AFG2A: variants seen among roughly 807,000 people sequenced by gnomAD.
AFG2A encodes the protein AAA ATPase AFG2A.
At chr4:123,280,991 AT>A in the AFG2A span, among the ~76,000 whole-genome samples, 3 of 151,868 alleles carry the variant, frequency 2.0e-5, no homozygotes, top group African/African-American at 4.8e-5. Context: ...AGATATTACC[AT>A]TTTTTTGTTT....
chr4:123,299,412 C>G, the AFG2A span, among the ~76,000 whole-genome samples: 1 of 152,104 alleles, frequency 6.6e-6, no homozygotes, highest in Non-Finnish European at 1.5e-5. Flanking sequence ...GTGATTAGAT[C>G]TCCAAATGAA....
the AFG2A span, among the ~76,000 whole-genome samples, chr4:122,946,995 T>C: frequency 1.3e-5 from 2 of 152,092 alleles, no homozygotes; most frequent in Non-Finnish European, 2.9e-5. Context: ...TTGTAAAACT[T>C]TCTACAGGAG....
At chr4:123,017,390 G>T in the AFG2A span, among the ~76,000 whole-genome samples, 4 of 112,998 alleles carry the variant, frequency 3.5e-5, no homozygotes, top group East Asian at 2.6e-4. Flanking sequence ...AATCTTCATA[G>T]AATGTGTCTT....
At chr4:122,933,450 T>G in the AFG2A span, 83 of 1,612,226 alleles carry the variant, frequency 5.1e-5, no homozygotes, top group Non-Finnish European at 6.7e-5. Context: ...GACAAAGATA[T>G]GGAAATTAAT....
At chr4:123,074,095 A>ATTTTTTTTTTTTTTTTTTTTTTTTTTT in the AFG2A span, among the ~76,000 whole-genome samples, 3 of 102,050 alleles carry the variant, frequency 2.9e-5, no homozygotes, top group Admixed American at 1.3e-4. Context: ...CTCAGATAGT[A>ATTTTTTTTTTTTTTTTTTTTTTTTTTT]TTTTTTTTTT....
chr4:123,131,191 C>A, the AFG2A span, among the ~76,000 whole-genome samples: 53 of 151,960 alleles, frequency 3.5e-4, no homozygotes, highest in Non-Finnish European at 7.5e-4. Context: ...CTTGTCTTTT[C>A]TTTTTATTAA....
At chr4:122,977,544 CT>C in the AFG2A span, among the ~76,000 whole-genome samples, 3 of 152,366 alleles carry the variant, frequency 2.0e-5, no homozygotes, top group African/African-American at 7.2e-5. Context: ...AGTGTCACAG[CT>C]CTGGTATCAC....
the AFG2A span, among the ~76,000 whole-genome samples, chr4:123,279,533 A>T: frequency 6.6e-6 from 1 of 152,226 alleles, no homozygotes; most frequent in South Asian, 2.1e-4. Context: ...TTTGAATCCC[A>T]TCTCTGCCAT....
chr4:123,086,733 A>G, the AFG2A span, among the ~76,000 whole-genome samples: 1 of 152,098 alleles, frequency 6.6e-6, no homozygotes, highest in Non-Finnish European at 1.5e-5. Context: ...TTGTTTTCAT[A>G]AAGTTTTCCT....
At chr4:122,963,598 G>T in the AFG2A span, among the ~76,000 whole-genome samples, 1 of 152,288 alleles carries the variant, frequency 6.6e-6, no homozygotes, top group South Asian at 2.1e-4. Context: ...GTAATAAATA[G>T]TGGAACTAGG....
the AFG2A span, among the ~76,000 whole-genome samples, chr4:123,250,205 A>G: frequency 6.6e-6 from 1 of 152,160 alleles, no homozygotes; most frequent in East Asian, 1.9e-4. Flanking sequence ...ATAAGTGTTG[A>G]ATTTCAGAAT....
the AFG2A span, chr4:122,927,695 G>T: frequency 6.2e-7 from 1 of 1,613,208 alleles, no homozygotes; most frequent in Non-Finnish European, 8.5e-7. Flanking sequence ...TCAACACTAT[G>T]AAGTCTGCAA....
At chr4:123,177,500 C>T in the AFG2A span, among the ~76,000 whole-genome samples, 12 of 152,044 alleles carry the variant, frequency 7.9e-5, no homozygotes, top group South Asian at 2.1e-4. Context: ...CGTGAGCCAC[C>T]GTGCTGGCCA....
chr4:123,204,908 G>A, the AFG2A span, among the ~76,000 whole-genome samples: 1 of 152,178 alleles, frequency 6.6e-6, no homozygotes, highest in Non-Finnish European at 1.5e-5. Context: ...TAAACAGTCA[G>A]TAGCTATGTT....
At chr4:122,974,802 G>C in the AFG2A span, among the ~76,000 whole-genome samples, 2 of 151,900 alleles carry the variant, frequency 1.3e-5, no homozygotes, top group Admixed American at 6.6e-5. Flanking sequence ...CACCACACCC[G>C]GCTAATTTTG....
chr4:122,941,282 A>G, the AFG2A span, among the ~76,000 whole-genome samples: 1 of 151,246 alleles, frequency 6.6e-6, no homozygotes, highest in African/African-American at 2.4e-5. Context: ...ATGTTCTTCC[A>G]TTTCTTTGTA....
At chr4:123,068,094 C>G in the AFG2A span, among the ~76,000 whole-genome samples, 1 of 152,090 alleles carries the variant, frequency 6.6e-6, no homozygotes, top group African/African-American at 2.4e-5. Flanking sequence ...TGTACATTTT[C>G]CCCTATTGTG....
the AFG2A span, chr4:123,255,988 A>G: frequency 6.2e-7 from 1 of 1,612,924 alleles, no homozygotes; most frequent in Non-Finnish European, 8.5e-7. Context: ...GAGCCCAGTT[A>G]ATTCATGTTG....
At chr4:123,234,455 A>T in the AFG2A span, among the ~76,000 whole-genome samples, 1,300 of 152,194 alleles carry the variant, frequency 8.5e-3, 23 homozygotes, top group African/African-American at 0.03. Flanking sequence ...TATAGTAGGA[A>T]CCCAATAACA....
Sources: gnomAD v4.1 joint callset for allele counts (sites outside exome capture counted in the v4.1 genomes callset) on GRCh38, gnomAD v4.1.1 for gene constraint, MANE v1.5 for transcripts, NCBI Gene and HGNC (gene_info 2026-07-23, HGNC 2026-07-21) for gene names.